NELL1: variants seen among roughly 807,000 people sequenced by gnomAD.
NELL1 encodes the protein protein kinase C-binding protein NELL1.
Under a neutral mutation model 107.4 loss-of-function variants are expected in NELL1, and 76 were observed. The ratio of observed to expected loss-of-function variants is 0.71; its 90% CI spans 0.59 to 0.86. The LOEUF is 0.86. Among genes scored for constraint, NELL1 ranks in the 40% least tolerant of loss-of-function variants. The pLI, the probability that NELL1 is intolerant of heterozygous loss-of-function variation, is 0.00. For missense variants in NELL1, 1,024 were observed against 1,005.5 expected (o/e 1.02, Z -0.25); for synonymous variants, 353 against 341.2 (o/e 1.03, Z -0.38).
At chr11:21,183,494 T>C (rs1459913760) in intron 13 of NELL1, among the ~76,000 whole-genome samples, 1 of 151,918 alleles carries the variant, frequency 6.6e-6, no homozygotes, top group Non-Finnish European at 1.5e-5. Context: ...TCAAGAGAGC[T>C]CCAGTGTTTG....
At chr11:21,523,876 T>C (rs904262213) in intron 15 of NELL1, among the ~76,000 whole-genome samples, 1 of 152,016 alleles carries the variant, frequency 6.6e-6, no homozygotes, top group Non-Finnish European at 1.5e-5. Context: ...TTGAAAACTT[T>C]TTTCATATGT....
At chr11:20,860,331 A>G (rs529536275) in intron 4 of NELL1, among the ~76,000 whole-genome samples, 1 of 152,312 alleles carries the variant, frequency 6.6e-6, no homozygotes, top group Admixed American at 6.5e-5. Flanking sequence ...AATGCCAATC[A>G]TAGAGCTGCC....
At chr11:21,086,629 G>A (rs1854398077) in intron 12 of NELL1, among the ~76,000 whole-genome samples, 1 of 152,008 alleles carries the variant, frequency 6.6e-6, no homozygotes, top group African/African-American at 2.4e-5. Context: ...CATCATTGTT[G>A]ATCCTAGAAG....
chr11:21,225,871 A>T (rs1448912945), intron 13 of NELL1, among the ~76,000 whole-genome samples: 3 of 152,196 alleles, frequency 2.0e-5, no homozygotes, highest in Non-Finnish European at 4.4e-5. Context: ...TTCTCAAAAC[A>T]ATCCCAAGTG....
chr11:20,756,000 T>C (rs1378365143), intron 2 of NELL1, among the ~76,000 whole-genome samples: 1 of 148,486 alleles, frequency 6.7e-6, no homozygotes, highest in Non-Finnish European at 1.5e-5. Context: ...TCATGCCATT[T>C]TCCTGCCTCA....
At chr11:20,929,221 C>T (rs886902159) in intron 9 of NELL1, among the ~76,000 whole-genome samples, 1 of 152,122 alleles carries the variant, frequency 6.6e-6, no homozygotes, top group Non-Finnish European at 1.5e-5. Flanking sequence ...AAGGAGAGTT[C>T]TGGTCAGAAA....
At chr11:21,058,663 C>T (rs925586634) in intron 12 of NELL1, among the ~76,000 whole-genome samples, 1 of 152,122 alleles carries the variant, frequency 6.6e-6, no homozygotes, top group Non-Finnish European at 1.5e-5. Flanking sequence ...TTTTCTTTCT[C>T]CACAGTGCCA....
chr11:21,290,647 A>T (rs1849236349), intron 14 of NELL1, among the ~76,000 whole-genome samples: 1 of 152,156 alleles, frequency 6.6e-6, no homozygotes, highest in African/African-American at 2.4e-5. Flanking sequence ...CAGAGGAAGG[A>T]ACAGGCAACA....
intron 1 of NELL1, chr11:20,674,374 G>A: frequency 7.7e-6 from 6 of 782,062 alleles, no homozygotes; most frequent in Admixed American, 6.7e-5. Context: ...CCACCTATGT[G>A]CCAGATGGAG....
chr11:21,380,477 C>T (rs1851582411), intron 15 of NELL1, among the ~76,000 whole-genome samples: 1 of 152,022 alleles, frequency 6.6e-6, no homozygotes, highest in African/African-American at 2.4e-5. Flanking sequence ...AGAATGTGAT[C>T]ATGTTTGGAG....
At chr11:21,193,386 T>C (rs916018140) in intron 13 of NELL1, among the ~76,000 whole-genome samples, 1 of 151,712 alleles carries the variant, frequency 6.6e-6, no homozygotes, top group Admixed American at 6.6e-5. Context: ...TTTCAAGAAC[T>C]GGAGAAGGAC....
At chr11:21,385,696 T>G (rs957558340) in intron 15 of NELL1, among the ~76,000 whole-genome samples, 3 of 151,962 alleles carry the variant, frequency 2.0e-5, no homozygotes, top group African/African-American at 7.2e-5. Flanking sequence ...ATCAAATGTT[T>G]TCTCTGCTGA....
chr11:21,149,075 T>C (rs978714329), intron 13 of NELL1, among the ~76,000 whole-genome samples: 2 of 152,226 alleles, frequency 1.3e-5, no homozygotes, highest in African/African-American at 4.8e-5. Flanking sequence ...ACTTTAGTTT[T>C]ATTTATGAAG....
chr11:21,264,071 GGTGTGTGTGTGT>G (rs10525326), intron 14 of NELL1, among the ~76,000 whole-genome samples: 1 of 139,436 alleles, frequency 7.2e-6, no homozygotes, highest in African/African-American at 2.7e-5. Flanking sequence ...TCTACAATGG[GGTGTGTGTGTGT>G]GTGTGTGTGT....
intron 15 of NELL1, among the ~76,000 whole-genome samples, chr11:21,423,062 A>C (rs2133824325): frequency 6.6e-6 from 1 of 152,272 alleles, no homozygotes; most frequent in East Asian, 1.9e-4. Flanking sequence ...ATAGACTCTA[A>C]GTTTAAAAAT....
chr11:21,260,635 C>G (rs1410480456), intron 14 of NELL1: 2 of 151,820 alleles, frequency 1.3e-5, no homozygotes, highest in African/African-American at 4.8e-5. Context: ...TGTTTTCTAG[C>G]AGGTGACCCA....
At chr11:20,893,449 G>C (rs1466720976) in intron 5 of NELL1, among the ~76,000 whole-genome samples, 3 of 151,498 alleles carry the variant, frequency 2.0e-5, no homozygotes, top group Admixed American at 6.6e-5. Context: ...TAGTAAAGGT[G>C]ATCTGATTTA....
intron 15 of NELL1, among the ~76,000 whole-genome samples, chr11:21,531,969 G>A (rs760049245): frequency 3.9e-5 from 6 of 152,118 alleles, no homozygotes; most frequent in Non-Finnish European, 8.8e-5. Context: ...GCCAGTGTTA[G>A]GAACACAGTG....
At chr11:20,836,271 CAAA>C (rs57421402) in intron 3 of NELL1, among the ~76,000 whole-genome samples, 3,073 of 123,312 alleles carry the variant, frequency 0.025, 96 homozygotes, top group African/African-American at 0.084. Context: ...GGGTAAAATC[CAAA>C]AAAAAAAAAA....
Sources: gnomAD v4.1 joint callset for allele counts (sites outside exome capture counted in the v4.1 genomes callset) on GRCh38, gnomAD v4.1.1 for gene constraint, MANE v1.5 for transcripts, NCBI Gene and HGNC (gene_info 2026-07-23, HGNC 2026-07-21) for gene names.